NADK: variants seen among roughly 807,000 people sequenced by gnomAD.
NADK encodes the protein NAD kinase.
Under a neutral mutation model 49.8 loss-of-function variants are expected in NADK, and 22 were observed. The observed-to-expected ratio is 0.44, with a 90% confidence interval of 0.32 to 0.63. The LOEUF (loss-of-function observed/expected upper bound fraction) is 0.63, where lower values mean the gene tolerates loss of function less well. NADK is among the 30% of genes least tolerant of loss of function. The pLI is 0.06. For missense variants in NADK, 438 were observed against 609.4 expected (o/e 0.72, Z 2.96); for synonymous variants, 268 against 253.7 (o/e 1.06, Z -0.54).
intron 3 of NADK, among the ~76,000 whole-genome samples, chr1:1,761,196 T>C (rs1294374881): frequency 1.3e-5 from 2 of 152,234 alleles, no homozygotes; most frequent in Non-Finnish European, 2.9e-5. Flanking sequence ...TTTCACCATA[T>C]TGGCCAGGCT....
At chr1:1,756,870 C>G (rs559271234) in intron 4 of NADK, 4 of 804,132 alleles carry the variant, frequency 5.0e-6, no homozygotes, top group Non-Finnish European at 8.8e-6. Context: ...CCGCAACCCC[C>G]ACGCCTGCTC....
rs1480636749 is a variant in NADK at position 1,754,063 on chromosome 1, C to T, written c.1089G>A (p.Gly363=). The T allele has an allele frequency of 1.3e-6, 2 of 1,592,100 alleles. No individual in the cohort carries two copies. Among genetic ancestry groups the T allele is most frequent in the African/African-American group, 1.4e-5 (1 of 73,956 alleles). ...CGTTGGCTCTGACCTTCAGCTCGAC[C>T]CCTGCGGGGACCACGATGGGCCGGA... is the stretch of plus-strand genomic sequence containing the variant. ...LSFRPIVVPA[G]VELKIMLSPE... is the part of the protein sequence containing the mutation. The change falls in exon 10 of 12, where the codon GGG becomes GGA. Residue 363 remains glycine, a synonymous_variant. Coordinates refer to ENST00000341426, the MANE Select transcript of NADK (RefSeq NM_023018.5). This position sits in a 1 kb window ranked among gnomAD's most constrained non-coding sequence, Gnocchi z 4.3.
chr1:1,757,152 C>T, intron 4 of NADK, 29 bp downstream of exon 4: 1 of 1,482,530 alleles, frequency 6.7e-7, no homozygotes, highest in Non-Finnish European at 9.2e-7. Context: ...ATGTGCACCC[C>T]AGGCCCCCTT....
intron 7 of NADK, among the ~76,000 whole-genome samples, chr1:1,755,088 G>C (rs2100281223): frequency 6.6e-6 from 1 of 152,276 alleles, no homozygotes; most frequent in African/African-American, 2.4e-5. Context: ...CACAGTGCTG[G>C]GATGACAGGC....
At chr1:1,771,433 T>C (rs1646049502) in intron 1 of NADK, among the ~76,000 whole-genome samples, 1 of 152,120 alleles carries the variant, frequency 6.6e-6, no homozygotes, top group Non-Finnish European at 1.5e-5. Flanking sequence ...CTAGACCAGC[T>C]GAAAAAACTT....
chr1:1,759,380 C>A, intron 3 of NADK: 1 of 1,276,780 alleles, frequency 7.8e-7, no homozygotes. Flanking sequence ...GGCGTGAAGC[C>A]AGCATGGCCA....
chr1:1,759,402 G>A (rs530592691), intron 3 of NADK, among the ~76,000 whole-genome samples: 30 of 152,214 alleles, frequency 2.0e-4, no homozygotes, highest in Non-Finnish European at 4.0e-4. Flanking sequence ...AGCCTGGCCC[G>A]CCTGGCCAGC....
rs1645774164 is a variant in NADK at position 1,762,965 on chromosome 1, TGCCCGGGA to T, written c.180-938_180-931del. The stretch of plus-strand genomic sequence containing the variant: ...GCACTGAGGCTGCCCTCGTCCTAGG[TGCCCGGGA>T]GCCTCCCAGTCCCTTCACAAACTCA... On this transcript the variant is annotated intron_variant, in intron 2 of 11. Coordinates refer to ENST00000341426, the MANE Select transcript of NADK (RefSeq NM_023018.5). Among the ~76,000 whole-genome samples, 6 of 152,262 alleles carry T rather than the reference TGCCCGGGA, an allele frequency of 3.9e-5. No individual in the cohort carries two copies. The South Asian group carries it at 1.2e-3, about 32-fold the overall frequency.
chr1:1,770,861 C>T (rs535722327), intron 1 of NADK, among the ~76,000 whole-genome samples: 2 of 151,550 alleles, frequency 1.3e-5, no homozygotes, highest in African/African-American at 4.8e-5. Context: ...CTAGCCTGAC[C>T]AACATGGTGA....
At chr1:1,780,432 G>C (rs1164003666), upstream of NADK, 1 of 152,204 alleles carries the variant, frequency 6.6e-6, no homozygotes, top group Admixed American at 6.5e-5. Flanking sequence ...AGCTCCAGCA[G>C]CTGCCCCGTC....
chr1:1,766,378 C>A (rs1645884972), intron 1 of NADK, among the ~76,000 whole-genome samples: 1 of 124,138 alleles, frequency 8.1e-6, no homozygotes, highest in South Asian at 2.5e-4. Context: ...TGCACTCCAG[C>A]CTGGGCAACA....
In NADK at chr1:1,754,201, G is replaced by A. The variant is rs770339120; in HGVS notation, c.951C>T (p.Ile317=). The A allele has an allele frequency of 4.3e-6, 7 of 1,612,586 alleles. No individual in the cohort carries two copies. Among genetic ancestry groups the A allele is most frequent in the African/African-American group, 4.0e-5 (3 of 74,912 alleles). Residue 317 remains isoleucine, a synonymous_variant, in exon 10 of 12, where the codon ATC becomes ATT. Coordinates refer to ENST00000341426, the MANE Select transcript of NADK (RefSeq NM_023018.5). The surrounding 1 kb of genome is among the most constrained non-coding windows in gnomAD (Gnocchi z 4.3). ...CCGTGCTGCCCGTCGGGGTGGACAC[G>A]ATCACTCCTGACAGGGACAGGCGCA... is the stretch of plus-strand genomic sequence containing the variant. ...LITTVQGDGV[I]VSTPTGSTAY...
At chr1:1,779,495 T>C (rs1646309519), upstream of NADK, among the ~76,000 whole-genome samples, 1 of 152,152 alleles carries the variant, frequency 6.6e-6, no homozygotes, top group Non-Finnish European at 1.5e-5. Flanking sequence ...GTTTTGTTTT[T>C]CTGAGATAGT....
chr1:1,753,849 G>A (rs1248281227), intron 10 of NADK, among the ~76,000 whole-genome samples, 200 bp from the exon 11 acceptor site: 4 of 152,176 alleles, frequency 2.6e-5, no homozygotes, highest in Non-Finnish European at 5.9e-5. Flanking sequence ...CCTCAGACCC[G>A]GGCCCTGGGC....
At position 1,756,314 on chromosome 1, in the gene NADK, A is replaced by C. The variant is rs780564992; in HGVS notation, c.529T>G (p.Phe177Val). 2 of 1,614,132 alleles carry C rather than the reference A, an allele frequency of 1.2e-6. No individual in the cohort carries two copies. The highest frequency in any genetic ancestry group is 2.2e-5 in the South Asian group (2 of 91,086). Reference sequence around the variant, plus strand: ...CCGTCTCCCCCCAGGCAGATGATGAAGTCTATCTGATTGGAAATGTCATCA... The same window carrying C: ...CCGTCTCCCCCCAGGCAGATGATGACGTCTATCTGATTGGAAATGTCATCA... ...DYDDISNQID[F>V]IICLGGDGTL... Residue 177 changes from phenylalanine to valine, a missense_variant, in exon 6 of 12, where the codon TTC becomes GTC. Physicochemically the swap from Phe to Val is conservative, Grantham distance 50 (BLOSUM62 -1). Coordinates refer to ENST00000341426, the MANE Select transcript of NADK (RefSeq NM_023018.5).
intron 7 of NADK, 40 bp downstream of exon 7, chr1:1,755,334 T>C: frequency 7.0e-7 from 1 of 1,422,964 alleles, no homozygotes; most frequent in Non-Finnish European, 9.9e-7. Context: ...AGCAGCGCCA[T>C]GATCAGAGCT....
chr1:1,756,232 T>A (rs1454224221), intron 6 of NADK, 26 bp downstream of exon 6: 1 of 1,603,772 alleles, frequency 6.2e-7, no homozygotes, highest in Admixed American at 1.7e-5. Context: ...GAACCTGGTG[T>A]GGGTCTGGAA....
intron 1 of NADK, among the ~76,000 whole-genome samples, chr1:1,766,469 AAAC>A (rs1645891258): frequency 6.7e-6 from 1 of 149,982 alleles, no homozygotes; most frequent in Admixed American, 6.7e-5. Flanking sequence ...CTTTTCTCGT[AAAC>A]AATACAACAC....
intron 1 of NADK, among the ~76,000 whole-genome samples, chr1:1,767,848 C>T (rs1017939483): frequency 6.6e-6 from 1 of 152,068 alleles, no homozygotes; most frequent in African/African-American, 2.4e-5. Flanking sequence ...GCCCTAACTT[C>T]CAGTGTGGCT....
Sources: allele counts gnomAD v4.1 joint callset (sites outside exome capture counted in the v4.1 genomes callset), GRCh38; gene constraint gnomAD v4.1.1; non-coding constraint Gnocchi (gnomAD v3.1); transcripts MANE v1.5; gene names NCBI Gene and HGNC (gene_info 2026-07-23, HGNC 2026-07-21).